FBXO31: variants seen among roughly 807,000 people sequenced by gnomAD.
The protein encoded by FBXO31 is F-box only protein 31.
A neutral mutation model predicts 54.4 loss-of-function variants in FBXO31; 24 were observed. That is an observed-to-expected ratio of 0.44 (90% CI 0.32 to 0.62). The LOEUF (loss-of-function observed/expected upper bound fraction) is 0.62. Among genes scored for constraint, FBXO31 ranks in the 20% least tolerant of loss-of-function variants. FBXO31 has a pLI of 0.05. For synonymous variants in FBXO31, 388 were observed against 335.6 expected (o/e 1.16, Z -1.71); for missense variants, 665 against 787.1 (o/e 0.84, Z 1.86).
At chr16:87,349,341 G>A (rs1401600370) in intron 2 of FBXO31, among the ~76,000 whole-genome samples, 1 of 152,198 alleles carries the variant, frequency 6.6e-6, no homozygotes, top group Non-Finnish European at 1.5e-5. Context: ...AAGCCCCAGT[G>A]GCAGCTGACA....
intron 1 of FBXO31, among the ~76,000 whole-genome samples, chr16:87,381,767 G>C (rs542670856): frequency 3.9e-5 from 6 of 152,312 alleles, no homozygotes; most frequent in Non-Finnish European, 7.3e-5. Flanking sequence ...GCTCGCGCCT[G>C]TAATCCCAAC....
chr16:87,343,255 A>ACCGTGGGGGCCACTGCCAGACCAGATC (rs1251487552), intron 4 of FBXO31, among the ~76,000 whole-genome samples: 6 of 152,250 alleles, frequency 3.9e-5, no homozygotes, highest in East Asian at 1.9e-4. Flanking sequence ...CGCTGTGCTC[A>ACCGTGGGGGCCACTGCCAGACCAGATC]CCGTGGGGGC....
At chr16:87,365,087 G>C (rs1271922095) in intron 1 of FBXO31, among the ~76,000 whole-genome samples, 1 of 132,590 alleles carries the variant, frequency 7.5e-6, no homozygotes, top group Non-Finnish European at 1.6e-5. Flanking sequence ...AGGATATAAA[G>C]GTCTTTGCAG....
intron 1 of FBXO31, among the ~76,000 whole-genome samples, chr16:87,372,393 T>C (rs1906640666): frequency 6.6e-6 from 1 of 152,138 alleles, no homozygotes; most frequent in African/African-American, 2.4e-5. Flanking sequence ...TTCCCCACAG[T>C]GCTGAGACCC....
Position 87,336,545 on chromosome 16 carries a change from G to A in FBXO31, c.733-281C>T, listed in dbSNP as rs747412832. Among the ~76,000 whole-genome samples the A allele has an allele frequency of 1.1e-3, 172 of 152,264 alleles. No individual in the cohort carries two copies. The highest frequency in any genetic ancestry group is 6.8e-3 in the Middle Eastern group (2 of 294). On this transcript the variant is annotated intron_variant, in intron 5 of 8. Coordinates refer to ENST00000311635, the MANE Select transcript of FBXO31 (RefSeq NM_024735.5). This position sits in a 1 kb window ranked among gnomAD's most constrained non-coding sequence, Gnocchi z 6.5. ...GGGCTACAGGGAGCCCAGGTGAGGC[G>A]GGGGCCACAGCCATGACCAGAACTC...
At chr16:87,353,966 C>T (rs1018641095) in intron 2 of FBXO31, among the ~76,000 whole-genome samples, 3 of 152,232 alleles carry the variant, frequency 2.0e-5, no homozygotes, top group Non-Finnish European at 2.9e-5. Flanking sequence ...AGGATGCGGA[C>T]GTCTCTGCGG....
rs1308821093 is a variant in FBXO31, at chr16:87,328,036, A to G, written c.*3252T>C. 2 of 152,272 alleles carry G rather than the reference A, an allele frequency of 1.3e-5. No homozygotes were observed. Among genetic ancestry groups the G allele is most frequent in the Non-Finnish European group, 2.9e-5 (2 of 68,108 alleles). The allele number at this position is 152,272 out of a possible 1,614,324, so 9.4% of individuals were successfully genotyped here. On this transcript the variant is annotated 3_prime_UTR_variant, in exon 9 of 9. Coordinates refer to ENST00000311635, the MANE Select transcript of FBXO31 (RefSeq NM_024735.5). ...ACGAGCTCAGAAGATGCATGTGGGCAGGCGTTCTGAAGTAACAAAGGGGCT... is the reference window on the plus strand; with the variant it reads ...ACGAGCTCAGAAGATGCATGTGGGCGGGCGTTCTGAAGTAACAAAGGGGCT...
Position 87,338,990 on chromosome 16 carries a change from A to C in FBXO31, c.733-2726T>G, listed in dbSNP as rs1044706934. On this transcript the variant is annotated intron_variant, in intron 5 of 8. Transcript: ENST00000311635. The surrounding 1 kb of genome is among the most constrained non-coding windows in gnomAD (Gnocchi z 4.3). ...TTATAAAGGGGAGTTCCCCTGCACA[A>C]GTTCTCTCTTTTTTTGCCTGCCGCC... Among the ~76,000 whole-genome samples, 1 of 152,106 alleles carries C rather than the reference A, an allele frequency of 6.6e-6. No homozygotes were observed. Among genetic ancestry groups the C allele is most frequent in the Non-Finnish European group, 1.5e-5 (1 of 68,020 alleles).
upstream of FBXO31, among the ~76,000 whole-genome samples, chr16:87,386,396 C>G (rs1377266829): frequency 6.6e-6 from 1 of 152,168 alleles, no homozygotes; most frequent in Non-Finnish European, 1.5e-5. Context: ...GAATTGTATG[C>G]AGGACGATTT....
rs1462792904 is a variant in FBXO31, at chr16:87,355,600, G to C, written c.412+4695C>G. 3.3e-5 allele frequency among the ~76,000 whole-genome samples: 5 copies of C among 152,108 alleles called. No homozygotes were observed. The East Asian group carries it at 9.6e-4, about 29-fold the overall frequency. On this transcript the variant is annotated intron_variant, in intron 2 of 8. Coordinates refer to ENST00000311635, the MANE Select transcript of FBXO31 (RefSeq NM_024735.5). ...CTAAATTTTTCAAGTTTTCTACAAT[G>C]ACTTTGTGTTTTTATAACGACACTC...
rs1227364209 is a variant in FBXO31, at chr16:87,336,524, T to C, written c.733-260A>G. 6.6e-6 allele frequency among the ~76,000 whole-genome samples: 1 copy of C among 152,160 alleles called. No individual in the cohort carries two copies. The highest frequency in any genetic ancestry group is 1.5e-5 in the Non-Finnish European group (1 of 68,022). Reference sequence around the variant, plus strand: ...CTGCTGGGTCGGAGGCAGCAGGGGCTACAGGGAGCCCAGGTGAGGCGGGGG... The same window carrying C: ...CTGCTGGGTCGGAGGCAGCAGGGGCCACAGGGAGCCCAGGTGAGGCGGGGG... On this transcript the variant is annotated intron_variant, in intron 5 of 8. Coordinates refer to ENST00000311635, the MANE Select transcript of FBXO31 (RefSeq NM_024735.5). The surrounding 1 kb of genome is among the most constrained non-coding windows in gnomAD (Gnocchi z 6.5).
At chr16:87,379,775 AC>A (rs1906993003) in intron 1 of FBXO31, among the ~76,000 whole-genome samples, 1 of 151,644 alleles carries the variant, frequency 6.6e-6, no homozygotes, top group Admixed American at 6.6e-5. Context: ...TTTAGTAGAG[AC>A]GGGGTTTCAC....
intron 5 of FBXO31, among the ~76,000 whole-genome samples, chr16:87,340,100 T>C (rs1281683259): frequency 6.6e-6 from 1 of 152,046 alleles, no homozygotes; most frequent in Non-Finnish European, 1.5e-5. Flanking sequence ...CTGGCCAACA[T>C]GGGGAAAACC....
chr16:87,336,085 C>T lies in FBXO31; in HGVS notation c.842+70G>A, dbSNP rs1388648013. Reference sequence around the variant, plus strand: ...CAAAGGACTATGCCCCAGCACCCACCGGGACAGGGCTGGTCCCCAGCACAC... The same window carrying T: ...CAAAGGACTATGCCCCAGCACCCACTGGGACAGGGCTGGTCCCCAGCACAC... On this transcript the variant is annotated intron_variant, in intron 6 of 8. Coordinates refer to ENST00000311635, the MANE Select transcript of FBXO31 (RefSeq NM_024735.5). This position sits in a 1 kb window ranked among gnomAD's most constrained non-coding sequence, Gnocchi z 6.5. 8.1e-6 allele frequency: 11 copies of T among 1,357,162 alleles called. No individual in the cohort carries two copies. Among genetic ancestry groups the T allele is most frequent in the African/African-American group, 4.3e-5 (3 of 69,610 alleles). 84.1% of individuals were successfully genotyped at this position (1,357,162 alleles called of 1,614,324 possible).
At chr16:87,381,609 G>C (rs1449401998) in intron 1 of FBXO31, among the ~76,000 whole-genome samples, 1 of 152,218 alleles carries the variant, frequency 6.6e-6, no homozygotes, top group Non-Finnish European at 1.5e-5. Context: ...TGTCCGGGAG[G>C]ACTTGGAGAA....
At chr16:87,381,213 A>G (rs1907061204) in intron 1 of FBXO31, among the ~76,000 whole-genome samples, 1 of 152,236 alleles carries the variant, frequency 6.6e-6, no homozygotes, top group African/African-American at 2.4e-5. Context: ...TGTATTACTA[A>G]TACTCAGTTC....
chr16:87,343,014 C>T (rs1294684859), intron 4 of FBXO31, 63 bp from the exon 5 acceptor site: 5 of 1,459,758 alleles, frequency 3.4e-6, no homozygotes, highest in East Asian at 4.9e-5. Flanking sequence ...CAGCATCCCC[C>T]ACCCCAGGCA....
chr16:87,350,093 T>A (rs1905581935), intron 2 of FBXO31, among the ~76,000 whole-genome samples: 1 of 152,004 alleles, frequency 6.6e-6, no homozygotes, highest in Non-Finnish European at 1.5e-5. Flanking sequence ...TGAGTGAGCA[T>A]GTGTGACTGG....
At chr16:87,341,551 G>A (rs1383981664) in intron 5 of FBXO31, among the ~76,000 whole-genome samples, 1 of 151,038 alleles carries the variant, frequency 6.6e-6, no homozygotes, top group Non-Finnish European at 1.5e-5. Flanking sequence ...AGCTCCTCAG[G>A]AGGCTGAGGC....
Sources: gnomAD v4.1 joint callset for allele counts (sites outside exome capture counted in the v4.1 genomes callset) on GRCh38, gnomAD v4.1.1 for gene constraint, Gnocchi (gnomAD v3.1) non-coding constraint, MANE v1.5 for transcripts, NCBI Gene and HGNC (gene_info 2026-07-23, HGNC 2026-07-21) for gene names.